Variants in HERC2 observed in about 807,000 individuals in gnomAD.
HERC2 encodes the protein E3 ubiquitin-protein ligase HERC2.
In HERC2, 102 loss-of-function variants were observed where a neutral mutation model predicts 537.7. The ratio of observed to expected loss-of-function variants is 0.19; its 90% CI spans 0.16 to 0.22. The LOEUF (loss-of-function observed/expected upper bound fraction) is 0.22, where lower values mean the gene tolerates loss of function less well. Ranked by LOEUF, HERC2 falls within the 10% of genes least tolerant of loss-of-function variation. The probability of loss-of-function intolerance (pLI) is 1.00; values close to 1 mark genes in which losing one functional copy is unlikely to be tolerated. For synonymous variants in HERC2, 2,224 were observed against 2,466.2 expected (o/e 0.90, Z 2.91); for missense variants, 4,236 against 6,198.2 (o/e 0.68, Z 10.63).
At chr15:28,310,028 G>A (rs1158951936) in intron 2 of HERC2, among the ~76,000 whole-genome samples, 8 of 152,210 alleles carry the variant, frequency 5.3e-5, no homozygotes, top group Non-Finnish European at 1.0e-4. Context: ...GCCCTAGCCA[G>A]GTAGAGTGAC....
chr15:28,205,256 T>G (rs116644369), intron 45 of HERC2, among the ~76,000 whole-genome samples: 4,930 of 123,562 alleles, frequency 0.04, 201 homozygotes, highest in African/African-American at 0.17. Flanking sequence ...GGCCTTCCAG[T>G]TGTTCACACT....
chr15:28,319,301 T>G (rs1239130121), intron 2 of HERC2, among the ~76,000 whole-genome samples: 13 of 152,256 alleles, frequency 8.5e-5, no homozygotes, highest in African/African-American at 3.1e-4. Flanking sequence ...TGACTTTTTT[T>G]TTGGCCAGGT....
Position 28,186,715 on chromosome 15 carries a change from C to G in HERC2, c.8687G>C (p.Arg2896Thr). ...RYIEIAIKQC[R>T]SSGIDCKIHG... The stretch of plus-strand genomic sequence containing the variant: ...GATTTTACAATCGATTCCTGAGCTC[C>G]TGCACTGCTTTATAGCAATTTCAAT... The change falls in exon 56 of 93, where the codon AGG becomes ACG. Residue 2896 changes from arginine to threonine, a missense_variant. Physicochemically the swap from Arg to Thr is moderately conservative, Grantham distance 71. This residue lies in a region of HERC2 where 606 missense variants were observed against 884.5 expected (regional missense o/e 0.69). Transcript: ENST00000261609. 6.2e-7 allele frequency: 1 copy of G among 1,614,036 alleles called. No homozygotes were observed. The highest frequency in any genetic ancestry group is 1.1e-5 in the South Asian group (1 of 91,070).
intron 83 of HERC2, among the ~76,000 whole-genome samples, chr15:28,126,502 G>A (rs189124426): frequency 3.5e-4 from 53 of 152,314 alleles, no homozygotes; most frequent in South Asian, 2.9e-3. Flanking sequence ...CCATCAATGA[G>A]TGGATAAAGA....
chr15:28,120,360 A>G (rs1888745488), intron 86 of HERC2, among the ~76,000 whole-genome samples: 1 of 152,208 alleles, frequency 6.6e-6, no homozygotes, highest in Non-Finnish European at 1.5e-5. Context: ...CTTGTAATCA[A>G]CATCAGGGTA....
At position 28,218,350 on chromosome 15, in the gene HERC2, C is replaced by T. The variant is rs186736199; in HGVS notation, c.6028+139G>A. The T allele has an allele frequency of 9.3e-4, 688 of 743,450 alleles. 3 individuals carry two copies. The African/African-American group carries it at 0.01, about 11-fold the overall frequency. The allele number at this position is 743,450 out of a possible 1,614,324, so 46.1% of individuals were successfully genotyped here. On this transcript the variant is annotated intron_variant, in intron 38 of 92. Coordinates refer to ENST00000261609, the MANE Select transcript of HERC2 (RefSeq NM_004667.6). ...ACCGTGAGAATTTCTACTGTGTAAGCCCCCAAGTTTGTATACTTTGTTACA... is the reference window on the plus strand; with the variant it reads ...ACCGTGAGAATTTCTACTGTGTAAGTCCCCAAGTTTGTATACTTTGTTACA...
Position 28,229,236 on chromosome 15 carries a change from C to A in HERC2, c.5231G>T (p.Arg1744Leu). 6.2e-7 allele frequency: 1 copy of A among 1,613,576 alleles called. No homozygotes were observed. The highest frequency in any genetic ancestry group is 8.5e-7 in the Non-Finnish European group (1 of 1,179,838). The change falls in exon 34 of 93, where the codon CGA becomes CTA. Residue 1744 changes from arginine to leucine, a missense_variant. By Grantham distance (102) the Arg-to-Leu change is moderately radical. Around this residue, in one of 27 missense-constraint regions of HERC2, gnomAD observed 343 missense variants for 417.2 expected, o/e 0.82. Transcript: ENST00000261609. ...GGCACTGGCATCCATCAAAACATTTCGAATGTTCTGTACAGCCCAAGCGTA... is the reference window on the plus strand; with the variant it reads ...GGCACTGGCATCCATCAAAACATTTAGAATGTTCTGTACAGCCCAAGCGTA... ...KLYAWAVQNI[R>L]NVLMDASAKF...
chr15:28,196,056 A>C (rs1305069349), intron 52 of HERC2, among the ~76,000 whole-genome samples, 159 bp downstream of exon 52: 2 of 152,216 alleles, frequency 1.3e-5, no homozygotes, highest in Non-Finnish European at 2.9e-5. Flanking sequence ...CCAGCCAGTC[A>C]TCAGCGGGTA....
Position 28,167,836 on chromosome 15 carries a change from A to G in HERC2, c.10414-9T>C, listed in dbSNP as rs1357102686. 1 of 1,605,400 alleles carries G rather than the reference A, an allele frequency of 6.2e-7. No individual in the cohort carries two copies. The highest frequency in any genetic ancestry group is 8.5e-7 in the Non-Finnish European group (1 of 1,177,190). ...TCCTCAGAGGAAACAATCTAGTCCA[A>G]GAGTGCACAGTAGGGGAAGTTTAAG... On this transcript the variant is annotated splice_polypyrimidine_tract_variant and intron_variant, in intron 67 of 92. Coordinates refer to ENST00000261609, the MANE Select transcript of HERC2 (RefSeq NM_004667.6).
intron 35 of HERC2, among the ~76,000 whole-genome samples, chr15:28,226,268 T>C (rs1486724085): frequency 6.6e-6 from 1 of 152,152 alleles, no homozygotes; most frequent in Non-Finnish European, 1.5e-5. Flanking sequence ...TTTGCAGATA[T>C]GGAAAAGCCA....
chr15:28,224,296 A>C (rs1900871229), intron 35 of HERC2, among the ~76,000 whole-genome samples: 3 of 151,818 alleles, frequency 2.0e-5, no homozygotes, highest in African/African-American at 7.3e-5. Context: ...ATCTCCGCTC[A>C]CTGCAACCTC....
At position 28,217,377 on chromosome 15, in the gene HERC2, T is replaced by C. The variant is rs112555271; in HGVS notation, c.6028+1112A>G. Among the ~76,000 whole-genome samples, 1,168 of 152,188 alleles carry C rather than the reference T, an allele frequency of 7.7e-3. 18 individuals are homozygous for C. The highest frequency in any genetic ancestry group is 0.027 in the African/African-American group (1,110 of 41,524). ...CATGCTACCAACACACCATCACACT[T>C]GCAACACAAACGCTCAGCCACTTGC... On this transcript the variant is annotated intron_variant, in intron 38 of 92. Transcript: ENST00000261609.
intron 69 of HERC2, among the ~76,000 whole-genome samples, chr15:28,161,348 AAACTG>A (rs1170641695): frequency 6.6e-6 from 1 of 152,218 alleles, no homozygotes; most frequent in East Asian, 1.9e-4. Context: ...ATAGGCACAG[AAACTG>A]CCTAAACTAA....
chr15:28,244,129 A>C lies in HERC2; in HGVS notation c.3577+1752T>G, dbSNP rs553125679. ...CAGTGAGCCATGATTGCACCATTGCATTCCAGCCTGGATGACACAGCAAGA... is the reference window on the plus strand; with the variant it reads ...CAGTGAGCCATGATTGCACCATTGCCTTCCAGCCTGGATGACACAGCAAGA... On this transcript the variant is annotated intron_variant, in intron 23 of 92. Coordinates refer to ENST00000261609, the MANE Select transcript of HERC2 (RefSeq NM_004667.6). Among the ~76,000 whole-genome samples the C allele has an allele frequency of 2.3e-4, 35 of 152,312 alleles. No homozygotes were observed. The South Asian group carries it at 2.7e-3, about 12-fold the overall frequency.
At chr15:28,263,566 G>A (rs1178416333) in intron 14 of HERC2, among the ~76,000 whole-genome samples, 1 of 151,536 alleles carries the variant, frequency 6.6e-6, no homozygotes, top group South Asian at 2.1e-4. Flanking sequence ...CATGCTGACC[G>A]GTGGTCAACT....
intron 9 of HERC2, 117 bp downstream of exon 9, chr15:28,272,098 C>T (rs878949908): frequency 6.4e-6 from 6 of 940,578 alleles, no homozygotes; most frequent in African/African-American, 1.7e-5. Flanking sequence ...GCTGCTATTA[C>T]CACCAAACAC....
At chr15:28,237,307 C>T (rs1902568783) in intron 25 of HERC2, among the ~76,000 whole-genome samples, 194 bp from the exon 26 acceptor site, 1 of 152,246 alleles carries the variant, frequency 6.6e-6, no homozygotes, top group Non-Finnish European at 1.5e-5. Context: ...AACCCACATG[C>T]CCAGTAAAGC....
intron 81 of HERC2, 40 bp downstream of exon 81, chr15:28,132,060 G>A (rs767935964): frequency 7.9e-6 from 12 of 1,517,544 alleles, no homozygotes; most frequent in South Asian, 1.3e-5. Flanking sequence ...CGACTGCGGT[G>A]AGCTGGGAGA....
In HERC2 at chr15:28,228,206, G is replaced by C. The variant is rs202202192; in HGVS notation, c.5464+12C>G. The C allele has an allele frequency of 6.2e-7, 1 of 1,611,116 alleles. No homozygotes were observed. The highest frequency in any genetic ancestry group is 1.7e-5 in the Admixed American group (1 of 60,006). ...CATTTTCCCAAAGGCGCTCAAGCGG[G>C]TGCAGACCTACCAATCAGGCGCAGT... On this transcript the variant is annotated intron_variant, in intron 35 of 92. Transcript: ENST00000261609.
Sources: allele counts gnomAD v4.1 joint callset (sites outside exome capture counted in the v4.1 genomes callset), GRCh38; gene constraint gnomAD v4.1.1; regional missense constraint gnomAD v4.1.1; transcripts MANE v1.5; gene names NCBI Gene and HGNC (gene_info 2026-07-23, HGNC 2026-07-21).